REEP6: variants seen among roughly 807,000 people sequenced by gnomAD.
The protein encoded by REEP6 is receptor accessory protein 6.
Under a neutral mutation model 22.4 loss-of-function variants are expected in REEP6, and 19 were observed. The observed-to-expected ratio is 0.85, with a 90% CI of 0.59 to 1.25. The LOEUF is 1.25. Ranked by LOEUF, REEP6 falls within the 50% of genes most tolerant of loss-of-function variation. The pLI is 0.00. For missense variants in REEP6, 273 were observed against 251.9 expected (o/e 1.08, Z -0.57); for synonymous variants, 121 against 113.6 (o/e 1.06, Z -0.41).
rs1395485222 is a variant in REEP6 at position 1,491,933 on chromosome 19, G to A, written c.115+549G>A. On this transcript the variant is annotated intron_variant, in intron 1 of 4. Coordinates refer to ENST00000233596, the MANE Select transcript of REEP6 (RefSeq NM_138393.4). The surrounding 1 kb of genome is among the most constrained non-coding windows in gnomAD (Gnocchi z 5.4). ...TTGTTAAGACGGAGTTGGGTTGTCT[G>A]ACGGCTGTGATGTGGGGAGGCTGGA... Among the ~76,000 whole-genome samples, 1 of 152,198 alleles carries A rather than the reference G, an allele frequency of 6.6e-6. No individual in the cohort carries two copies. The highest frequency in any genetic ancestry group is 1.5e-5 in the Non-Finnish European group (1 of 68,042).
chr19:1,496,647 C>T (rs1406236192), intron 4 of REEP6, 194 bp downstream of exon 4: 5 of 757,606 alleles, frequency 6.6e-6, no homozygotes, highest in Admixed American at 4.0e-5. Context: ...TGTGGCCGGG[C>T]CCTCCACTCC....
rs191115466 is a variant in REEP6, at chr19:1,494,654, C to T, written c.116-640C>T. 3.3e-5 allele frequency among the ~76,000 whole-genome samples: 5 copies of T among 152,302 alleles called. No homozygotes were observed. In the East Asian group the frequency reaches 9.6e-4, roughly 29 times the overall value. On this transcript the variant is annotated intron_variant, in intron 1 of 4. Coordinates refer to ENST00000233596, the MANE Select transcript of REEP6 (RefSeq NM_138393.4). ...AAACACTGGCCTGTTTTCCCAGTGC[C>T]TCCCAAAGGGCCTGGAATGAGATGG...
In REEP6 at chr19:1,497,820, G is replaced by A. The variant is rs1003763083; in HGVS notation, c.*609G>A. Reference sequence around the variant, plus strand: ...GGAGTACACTTCGGAGTCCACCACCGAGATCACCTGCAGCTGGCCACACCA... The same window carrying A: ...GGAGTACACTTCGGAGTCCACCACCAAGATCACCTGCAGCTGGCCACACCA... On this transcript the variant is annotated 3_prime_UTR_variant, in exon 5 of 5. Transcript: ENST00000233596. The surrounding 1 kb of genome is among the most constrained non-coding windows in gnomAD (Gnocchi z 6.5). The A allele has an allele frequency of 1.1e-5, 5 of 470,590 alleles. No homozygotes were observed. Among genetic ancestry groups the A allele is most frequent in the Admixed American group, 7.0e-5 (3 of 42,574 alleles). The allele number at this position is 470,590 out of a possible 1,614,324, so 29.2% of individuals were successfully genotyped here. A position where few individuals can be genotyped will look rare whatever the true frequency, so the allele number is the denominator to read the frequency against.
At position 1,496,937 on chromosome 19, in the gene REEP6, T is replaced by C. The variant is rs534288421; in HGVS notation, c.518-237T>C. Among the ~76,000 whole-genome samples, 4 of 152,288 alleles carry C rather than the reference T, an allele frequency of 2.6e-5. No individual in the cohort carries two copies. The South Asian group carries it at 6.2e-4, about 24-fold the overall frequency. ...ATATGTGTGTGCGTGTGACCATGTG[T>C]GCACGTGTGAGTGCGTGCGTGTGCA... On this transcript the variant is annotated intron_variant, in intron 4 of 4. Coordinates refer to ENST00000233596, the MANE Select transcript of REEP6 (RefSeq NM_138393.4).
In REEP6 at chr19:1,495,469, A is replaced by G. The variant is rs1197073132; in HGVS notation, c.210A>G (p.Ser70=). 6.2e-7 allele frequency: 1 copy of G among 1,613,894 alleles called. No individual in the cohort carries two copies. The highest frequency in any genetic ancestry group is 1.7e-5 in the Admixed American group (1 of 60,022). Residue 70 remains serine, a splice_region_variant and synonymous_variant, in exon 3 of 5, where the codon TCA becomes TCG. Transcript: ENST00000233596. ...TGACCCTGCTGCACCCTCCCTGCAG[A>G]ATCAAAGCTATCGAGAGCCCAAGCA... ...LIGFVYPAYA[S]IKAIESPSKD... is the part of the protein sequence containing the mutation.
At chr19:1,496,002 G>A (rs2085003102) in intron 3 of REEP6, 1 of 538,302 alleles carries the variant, frequency 1.9e-6, no homozygotes, top group East Asian at 3.1e-5. Context: ...TATGTCTGAT[G>A]GCACAGGGCC....
chr19:1,497,477 C>T lies in REEP6; in HGVS notation c.*266C>T, dbSNP rs1025040599. On this transcript the variant is annotated 3_prime_UTR_variant, in exon 5 of 5. Coordinates refer to ENST00000233596, the MANE Select transcript of REEP6 (RefSeq NM_138393.4). The surrounding 1 kb of genome is among the most constrained non-coding windows in gnomAD (Gnocchi z 6.5). ...CCCGCCTGTCCGGCAGGGCCCAGGG[C>T]CAGCGTCGGGCACAGGGCAGCTCCC... 5.8e-6 allele frequency: 4 copies of T among 694,574 alleles called. No individual in the cohort carries two copies. In the African/African-American group the frequency reaches 7.0e-5, roughly 12 times the overall value. 43.0% of individuals were successfully genotyped at this position (694,574 alleles called of 1,614,324 possible).
Position 1,491,268 on chromosome 19 carries a change from C to T in REEP6, c.-2C>T. On this transcript the variant is annotated 5_prime_UTR_variant, in exon 1 of 5. Coordinates refer to ENST00000233596, the MANE Select transcript of REEP6 (RefSeq NM_138393.4). The surrounding 1 kb of genome is among the most constrained non-coding windows in gnomAD (Gnocchi z 5.4). ...GCAGCCAACCCCGGGCGCGTCGGGG[C>T]CATGGACGGCCTGAGGCAGCGCGTG... The T allele has an allele frequency of 6.8e-7, 1 of 1,465,300 alleles. No individual in the cohort carries two copies. Among genetic ancestry groups the T allele is most frequent in the African/African-American group, 1.5e-5 (1 of 67,772 alleles). The allele number at this position is 1,465,300 out of a possible 1,614,324, so 90.8% of individuals were successfully genotyped here.
intron 1 of REEP6, among the ~76,000 whole-genome samples, chr19:1,494,841 T>C (rs2084992521): frequency 6.6e-6 from 1 of 152,164 alleles, no homozygotes; most frequent in Non-Finnish European, 1.5e-5. Flanking sequence ...CACACCGCCA[T>C]GCCTGGCTAA....
chr19:1,496,882 G>A (rs1014626452), intron 4 of REEP6, among the ~76,000 whole-genome samples: 9 of 151,974 alleles, frequency 5.9e-5, no homozygotes, highest in African/African-American at 2.2e-4. Flanking sequence ...GTGTGCATAT[G>A]TGTGTGTGTG....
In REEP6 at chr19:1,497,735, A is replaced by C; in HGVS notation, c.*524A>C. On this transcript the variant is annotated 3_prime_UTR_variant, in exon 5 of 5. Transcript: ENST00000233596. This position sits in a 1 kb window ranked among gnomAD's most constrained non-coding sequence, Gnocchi z 6.5. ...GACAGCGCCAGAAGGAATCGTCGAA[A>C]CAGCCTGCCAGCAGCGCCTCAGTGC... 2 of 471,012 alleles carry C rather than the reference A, an allele frequency of 4.2e-6. No individual in the cohort carries two copies. The highest frequency in any genetic ancestry group is 8.8e-6 in the Non-Finnish European group (2 of 227,292). 29.2% of individuals were successfully genotyped at this position (471,012 alleles called of 1,614,324 possible). A position where few individuals can be genotyped will look rare whatever the true frequency, so the allele number is the denominator to read the frequency against.
intron 3 of REEP6, 28 bp downstream of exon 3, chr19:1,495,635 G>T (rs2277748): frequency 1.2e-6 from 2 of 1,611,856 alleles, no homozygotes; most frequent in South Asian, 1.1e-5. Context: ...GGGCACAGCC[G>T]TGGAGCGCAT....
chr19:1,492,493 A>G (rs2084970520), intron 1 of REEP6, among the ~76,000 whole-genome samples: 1 of 149,178 alleles, frequency 6.7e-6, no homozygotes, highest in Admixed American at 6.6e-5. Context: ...CTAGTCTTAA[A>G]CTTCTGGGCT....
In REEP6 at chr19:1,496,458, G is replaced by T. The variant is rs761318551; in HGVS notation, c.517+5G>T. Reference sequence around the variant, plus strand: ...CGGCCGGAATAACCAGGAACGGTGGGTGCTCGCAGGCGCCTGGCTGCCTCA... The same window carrying T: ...CGGCCGGAATAACCAGGAACGGTGGTTGCTCGCAGGCGCCTGGCTGCCTCA... On this transcript the variant is annotated splice_donor_5th_base_variant and intron_variant, in intron 4 of 4. Transcript: ENST00000233596. 10 of 1,608,178 alleles carry T rather than the reference G, an allele frequency of 6.2e-6. No individual in the cohort carries two copies. In the East Asian group the frequency reaches 2.0e-4, roughly 32 times the overall value.
At chr19:1,492,390 C>G (rs1012945734) in intron 1 of REEP6, among the ~76,000 whole-genome samples, 1 of 152,124 alleles carries the variant, frequency 6.6e-6, no homozygotes, top group Non-Finnish European at 1.5e-5. Context: ...GCCTCCCAAA[C>G]TGCTGGGATT....
intron 1 of REEP6, among the ~76,000 whole-genome samples, chr19:1,492,763 G>A (rs2084976356): frequency 6.6e-6 from 1 of 152,174 alleles, no homozygotes; most frequent in Non-Finnish European, 1.5e-5. Context: ...ACCATCTGGG[G>A]GTTCCCATGC....
intron 3 of REEP6, 81 bp downstream of exon 3, chr19:1,495,688 G>A (rs749204071): frequency 1.7e-5 from 27 of 1,573,678 alleles, no homozygotes; most frequent in East Asian, 2.2e-5. Flanking sequence ...CAGAAAGTCC[G>A]GAGGATACCA....
At chr19:1,496,232 C>T in intron 3 of REEP6, 53 bp from the exon 4 acceptor site, 1 of 1,557,792 alleles carries the variant, frequency 6.4e-7, no homozygotes, top group Non-Finnish European at 8.7e-7. Context: ...CCTCTCCCCA[C>T]CAGGGGCACA....
In REEP6 at chr19:1,497,111, G is replaced by C; in HGVS notation, c.518-63G>C. Reference sequence around the variant, plus strand: ...AGCCAGTAGCCTCAGTCCCGCCTGCGAGCAGCTCCGGGGAGCCCAGGCCTG... The same window carrying C: ...AGCCAGTAGCCTCAGTCCCGCCTGCCAGCAGCTCCGGGGAGCCCAGGCCTG... On this transcript the variant is annotated intron_variant, in intron 4 of 4. Transcript: ENST00000233596. The surrounding 1 kb of genome is among the most constrained non-coding windows in gnomAD (Gnocchi z 6.5). 7.8e-7 allele frequency: 1 copy of C among 1,286,370 alleles called. No homozygotes were observed. The highest frequency in any genetic ancestry group is 1.0e-6 in the Non-Finnish European group (1 of 954,120). 79.7% of individuals were successfully genotyped at this position (1,286,370 alleles called of 1,614,324 possible).
Sources: allele counts gnomAD v4.1 joint callset (sites outside exome capture counted in the v4.1 genomes callset), GRCh38; gene constraint gnomAD v4.1.1; non-coding constraint Gnocchi (gnomAD v3.1); transcripts MANE v1.5; gene names NCBI Gene and HGNC (gene_info 2026-07-23, HGNC 2026-07-21).